WASHC4: variants seen among roughly 807,000 people sequenced by gnomAD.
WASHC4 encodes the protein WASH complex subunit 4.
A neutral mutation model predicts 166.6 loss-of-function variants in WASHC4; 86 were observed. That is an observed-to-expected ratio of 0.52 (90% confidence interval 0.43 to 0.62). The LOEUF (loss-of-function observed/expected upper bound fraction) is 0.62, where lower values mean the gene tolerates loss of function less well. Ranked by LOEUF, WASHC4 falls within the 20% of genes least tolerant of loss-of-function variation. The pLI is 0.00. For missense variants in WASHC4, 1,262 were observed against 1,382.4 expected, an observed-to-expected ratio of 0.91 and a Z score of 1.38; for synonymous variants, 446 against 451.6, an observed-to-expected ratio of 0.99 and a Z score of 0.16.
At chr12:105,159,505 C>T (rs1884362397) in intron 28 of WASHC4, among the ~76,000 whole-genome samples, 1 of 152,050 alleles carries the variant, frequency 6.6e-6, no homozygotes. Context: ...ATGTGAGTCA[C>T]AAAGGAAGAT....
intron 2 of WASHC4, among the ~76,000 whole-genome samples, chr12:105,113,565 A>G (rs1275757682): frequency 2.0e-5 from 3 of 152,100 alleles, no homozygotes; most frequent in Non-Finnish European, 4.4e-5. Flanking sequence ...ACAAACTCAG[A>G]TAAAACCTCT....
chr12:105,111,219 A>G lies in WASHC4; in HGVS notation c.156A>G (p.Ser52=), dbSNP rs754194473. 1.3e-5 allele frequency: 21 copies of G among 1,610,912 alleles called. No homozygotes were observed. Among genetic ancestry groups the G allele is most frequent in the Admixed American group, 1.2e-4 (7 of 60,024 alleles). Residue 52 remains serine, a synonymous_variant, in exon 2 of 33, where the codon TCA becomes TCG. Coordinates refer to ENST00000332180, the MANE Select transcript of WASHC4 (RefSeq NM_015275.3). ...GAATTGAGGACGCTCTGGATGACTC[A>G]ATTGGAGATGTTTGGGATTTCAATC... ...LRRIEDALDD[S]IGDVWDFNLD... is the part of the protein sequence containing the mutation.
rs370839435 is a variant in WASHC4, at chr12:105,149,713, A to G, written c.2613A>G (p.Arg871=). The part of the protein sequence containing the change: ...HIKSRLIKDI[R]FFREIKDQND... Reference sequence around the variant, plus strand: ...AATCCAGATTGATTAAAGATATTCGATTTTTCAGGGAAATTAAGGACCAAA... The same window carrying G: ...AATCCAGATTGATTAAAGATATTCGGTTTTTCAGGGAAATTAAGGACCAAA... Residue 871 remains arginine (R), a synonymous_variant, in exon 25 of 33, where the codon CGA becomes CGG. Coordinates refer to ENST00000332180, the MANE Select transcript of WASHC4 (RefSeq NM_015275.3). 7 of 1,589,578 alleles carry G rather than the reference A, an allele frequency of 4.4e-6. 1 individual carries two copies. In the African/African-American group the frequency reaches 8.1e-5, roughly 18 times the overall value.
chr12:105,132,227 G>T (rs916978610), intron 13 of WASHC4, among the ~76,000 whole-genome samples: 1 of 152,242 alleles, frequency 6.6e-6, no homozygotes, highest in Admixed American at 6.5e-5. Context: ...GGAGTGCAGT[G>T]GCGTGATCTT....
chr12:105,156,023 T>C (rs1649173193), intron 26 of WASHC4, among the ~76,000 whole-genome samples: 1 of 152,120 alleles, frequency 6.6e-6, no homozygotes, highest in Non-Finnish European at 1.5e-5. Flanking sequence ...GATAGGAGGA[T>C]ATCTATGAAG....
chr12:105,122,603 A>G (rs1880866737), intron 10 of WASHC4, among the ~76,000 whole-genome samples: 2 of 152,034 alleles, frequency 1.3e-5, no homozygotes, highest in South Asian at 4.2e-4. Context: ...GCAATCCTGC[A>G]TCAAGCAAGT....
At chr12:105,130,877 A>G (rs1881737606) in intron 13 of WASHC4, among the ~76,000 whole-genome samples, 1 of 152,114 alleles carries the variant, frequency 6.6e-6, no homozygotes, top group African/African-American at 2.4e-5. Flanking sequence ...TCAACCCCCC[A>G]TGTTGACATA....
At chr12:105,111,556 A>G (rs1879677744) in intron 2 of WASHC4, among the ~76,000 whole-genome samples, 1 of 152,166 alleles carries the variant, frequency 6.6e-6, no homozygotes, top group Admixed American at 6.5e-5. Flanking sequence ...AGGGCTGGAT[A>G]GAATATTCAG....
At chr12:105,156,817 C>T (rs376969936) in intron 27 of WASHC4, 25 bp downstream of exon 27, 19 of 1,574,202 alleles carry the variant, frequency 1.2e-5, no homozygotes, top group East Asian at 6.7e-5. Context: ...ATCATTTTTG[C>T]CTTGTTTATG....
intron 32 of WASHC4, among the ~76,000 whole-genome samples, chr12:105,165,744 A>T (rs1884773422): frequency 6.6e-6 from 1 of 152,200 alleles, no homozygotes; most frequent in Non-Finnish European, 1.5e-5. Context: ...CATAAATTAA[A>T]TATTACTAAT....
rs1880817492 is a variant in WASHC4, at chr12:105,122,191, T to C, written c.739T>C (p.Phe247Leu). 6.2e-7 allele frequency: 1 copy of C among 1,612,772 alleles called. No individual in the cohort carries two copies. The highest frequency in any genetic ancestry group is 1.3e-5 in the African/African-American group (1 of 74,878). Residue 247 changes from phenylalanine to leucine, a missense_variant, in exon 10 of 33, where the codon TTC becomes CTC. Coordinates refer to ENST00000332180, the MANE Select transcript of WASHC4 (RefSeq NM_015275.3). ...AGAAAAATTAAAGCCATTTGAAAAG[T>C]TCTTGCTGAAGCTAGAAGGGCAATT... is the stretch of plus-strand genomic sequence containing the variant. The part of the protein sequence containing the change: ...QEEKLKPFEK[F>L]LLKLEGQLLD...
At chr12:105,137,162 G>A (rs1275555622) in intron 14 of WASHC4, among the ~76,000 whole-genome samples, 1 of 127,160 alleles carries the variant, frequency 7.9e-6, no homozygotes, top group Admixed American at 8.6e-5. Flanking sequence ...AAAAGTGTTT[G>A]AGAAGCAATA....
Position 105,111,279 on chromosome 12 carries a change from T to A in WASHC4, c.201+15T>A. ...TAGCATTAAAGGTTTGATTTGATTT[T>A]TTAAAAATATATGTATATATTTTCT... On this transcript the variant is annotated intron_variant, in intron 2 of 32. Transcript: ENST00000332180. 6.5e-7 allele frequency: 1 copy of A among 1,547,098 alleles called. No individual in the cohort carries two copies. The highest frequency in any genetic ancestry group is 8.9e-7 in the Non-Finnish European group (1 of 1,124,816).
At chr12:105,111,918 C>T (rs921374524) in intron 2 of WASHC4, among the ~76,000 whole-genome samples, 69 of 152,148 alleles carry the variant, frequency 4.5e-4, no homozygotes, top group African/African-American at 1.5e-3. Flanking sequence ...TCATACAATT[C>T]ACTCATTTAA....
Position 105,155,256 on chromosome 12 carries a change from A to G in WASHC4, c.2759-1470A>G, listed in dbSNP as rs1343661574. On this transcript the variant is annotated intron_variant, in intron 26 of 32. Transcript: ENST00000332180. ...GTAAGGAGATGTAAGGGGGCTGGGC[A>G]GTGCTAGTCAGTGATGTTCAGGGAA... is the stretch of plus-strand genomic sequence containing the variant. The G allele has an allele frequency of 2.6e-5, 4 of 152,264 alleles. No homozygotes were observed. The East Asian group carries it at 7.7e-4, about 29-fold the overall frequency. 9.4% of individuals were successfully genotyped at this position (152,264 alleles called of 1,614,324 possible). A position where few individuals can be genotyped will look rare whatever the true frequency, so the allele number is the denominator to read the frequency against.
chr12:105,136,133 C>G (rs1169220486), intron 14 of WASHC4, among the ~76,000 whole-genome samples: 2 of 152,096 alleles, frequency 1.3e-5, no homozygotes, highest in Non-Finnish European at 2.9e-5. Flanking sequence ...GTTTAATTCA[C>G]CCTTACTTTT....
intron 6 of WASHC4, 36 bp downstream of exon 6, chr12:105,115,764 C>G (rs1880124094): frequency 7.3e-7 from 1 of 1,362,650 alleles, no homozygotes; most frequent in Non-Finnish European, 1.1e-6. Flanking sequence ...GCTTTTACTT[C>G]AAAAAGTTTG....
intron 22 of WASHC4, 107 bp downstream of exon 22, chr12:105,144,979 T>A (rs12425803): frequency 0.1 from 113,718 of 1,107,570 alleles, 6,814 homozygotes; most frequent in African/African-American, 0.21. Flanking sequence ...GCTTATTTTT[T>A]AAGAAATTAT....
At chr12:105,159,144 G>A (rs1342668533) in intron 28 of WASHC4, among the ~76,000 whole-genome samples, 1 of 152,164 alleles carries the variant, frequency 6.6e-6, no homozygotes, top group Non-Finnish European at 1.5e-5. Context: ...CAAAGGAAAG[G>A]ATCAGACCTT....
Sources: allele counts gnomAD v4.1 joint callset (sites outside exome capture counted in the v4.1 genomes callset), GRCh38; gene constraint gnomAD v4.1.1; transcripts MANE v1.5; gene names NCBI Gene and HGNC (gene_info 2026-07-23, HGNC 2026-07-21).